Variants in LRRC4C observed in about 807,000 individuals in gnomAD.
The protein encoded by LRRC4C is leucine-rich repeat-containing protein 4C.
LRRC4C carries 5 observed loss-of-function variants against 33.6 expected under a neutral mutation model. That is an observed-to-expected ratio of 0.15 (90% CI 0.08 to 0.31). The LOEUF (loss-of-function observed/expected upper bound fraction) is 0.31. LRRC4C is among the 10% of genes least tolerant of loss of function. The pLI, the probability that LRRC4C is intolerant of heterozygous loss-of-function variation, is 1.00. For missense variants in LRRC4C, 560 were observed against 796.7 expected (o/e 0.70, Z 3.58); for synonymous variants, 329 against 302.0 (o/e 1.09, Z -0.93).
chr11:40,881,677 A>G (rs912223788), intron 2 of LRRC4C, among the ~76,000 whole-genome samples: 2 of 149,922 alleles, frequency 1.3e-5, no homozygotes, highest in Admixed American at 1.3e-4. Flanking sequence ...TTTTTACTGG[A>G]CAGAAATATT....
chr11:40,318,856 T>C (rs1440416618), intron 4 of LRRC4C, among the ~76,000 whole-genome samples: 1 of 152,212 alleles, frequency 6.6e-6, no homozygotes, highest in Non-Finnish European at 1.5e-5. Flanking sequence ...TGCTCTGTGA[T>C]AGCACACACA....
At chr11:40,320,092 CT>C (rs1354882097) in intron 3 of LRRC4C, among the ~76,000 whole-genome samples, 3 of 152,016 alleles carry the variant, frequency 2.0e-5, no homozygotes, top group Non-Finnish European at 4.4e-5. Flanking sequence ...CTGTAAATAG[CT>C]TATTGTACAT....
chr11:40,657,274 T>C (rs1943170796), intron 2 of LRRC4C, among the ~76,000 whole-genome samples: 4 of 152,184 alleles, frequency 2.6e-5, no homozygotes. Flanking sequence ...CTTATTACTT[T>C]AAAAATGTTG....
At chr11:41,363,410 G>A (rs531044431) in intron 1 of LRRC4C, among the ~76,000 whole-genome samples, 1 of 152,282 alleles carries the variant, frequency 6.6e-6, no homozygotes, top group African/African-American at 2.4e-5. Context: ...GGAATCTGGT[G>A]CCAAATGTTT....
chr11:40,207,150 C>T (rs1174098373), intron 5 of LRRC4C, among the ~76,000 whole-genome samples: 1 of 152,172 alleles, frequency 6.6e-6, no homozygotes, highest in East Asian at 1.9e-4. Context: ...ACGGAACTGT[C>T]ATTGTAGCTG....
At chr11:41,303,233 G>A (rs1032407899) in intron 1 of LRRC4C, among the ~76,000 whole-genome samples, 3 of 149,468 alleles carry the variant, frequency 2.0e-5, no homozygotes, top group Admixed American at 1.3e-4. Flanking sequence ...GAATGCCTGC[G>A]ATTGCAGGCA....
chr11:40,326,459 G>A (rs1946108777), intron 3 of LRRC4C, among the ~76,000 whole-genome samples: 1 of 151,894 alleles, frequency 6.6e-6, no homozygotes, highest in African/African-American at 2.4e-5. Context: ...CTACTCAGGA[G>A]GCTGAGGCAG....
intron 4 of LRRC4C, among the ~76,000 whole-genome samples, chr11:40,261,785 T>C (rs1590850837): frequency 6.6e-6 from 1 of 152,122 alleles, no homozygotes; most frequent in East Asian, 1.9e-4. Flanking sequence ...TGGCTAGCCA[T>C]ATGCAGAAAA....
rs569762263 is a variant in LRRC4C, at chr11:40,961,719, G to A, written c.-495-27996C>T. Among the ~76,000 whole-genome samples, 61 of 151,470 alleles carry A rather than the reference G, an allele frequency of 4.0e-4. 1 individual carries two copies. The highest frequency in any genetic ancestry group is 1.0e-3 in the African/African-American group (42 of 41,354). The stretch of plus-strand genomic sequence containing the variant: ...AAGAGTTGTGTAAAGAATGAGTGGG[G>A]GAAATTTCTGTTCTCTCAGGGTTTC... On this transcript the variant is annotated intron_variant, in intron 1 of 6. Transcript: ENST00000528697.
At chr11:41,089,844 A>G (rs1351627764) in intron 1 of LRRC4C, among the ~76,000 whole-genome samples, 1 of 152,072 alleles carries the variant, frequency 6.6e-6, no homozygotes, top group East Asian at 1.9e-4. Context: ...TCTTTAAAGA[A>G]AAATATAGAT....
intron 1 of LRRC4C, among the ~76,000 whole-genome samples, chr11:41,296,279 T>A (rs532849318): frequency 6.6e-6 from 1 of 152,014 alleles, no homozygotes; most frequent in Non-Finnish European, 1.5e-5. Context: ...CTTTTATTAA[T>A]AATATATGTT....
chr11:40,617,050 T>C (rs370420632), intron 3 of LRRC4C, among the ~76,000 whole-genome samples: 1 of 151,780 alleles, frequency 6.6e-6, no homozygotes, highest in Non-Finnish European at 1.5e-5. Flanking sequence ...CCCATTACCA[T>C]GGGCTTCATT....
At position 41,304,643 on chromosome 11, in the gene LRRC4C, A is replaced by G. The variant is rs374040340; in HGVS notation, c.-496+154788T>C. Among the ~76,000 whole-genome samples the G allele has an allele frequency of 9.7e-3, 534 of 55,292 alleles. 13 individuals are homozygous for G. The highest frequency in any genetic ancestry group is 0.038 in the Admixed American group (133 of 3,456). The allele number at this position is 55,292 out of a possible 152,430, so 36.3% of individuals were successfully genotyped here. A position where few individuals can be genotyped will look rare whatever the true frequency, so the allele number is the denominator to read the frequency against. On this transcript the variant is annotated intron_variant, in intron 1 of 6. Transcript: ENST00000528697. ...AGGTGGGGGGGTCAGCCCTCCGCCC[A>G]GCCAGCCGCCCCATCCGGGAGGGAG...
chr11:41,149,287 C>T (rs963194684), intron 1 of LRRC4C, among the ~76,000 whole-genome samples: 2 of 151,962 alleles, frequency 1.3e-5, no homozygotes, highest in East Asian at 1.9e-4. Context: ...GGGCGGATCA[C>T]GAGGTCAGGA....
chr11:41,213,522 A>G (rs1946910131), intron 1 of LRRC4C, among the ~76,000 whole-genome samples: 1 of 152,232 alleles, frequency 6.6e-6, no homozygotes, highest in Non-Finnish European at 1.5e-5. Flanking sequence ...TACTCGTTGA[A>G]TCTTCTCTAC....
chr11:41,025,196 T>C (rs1227218694), intron 1 of LRRC4C, among the ~76,000 whole-genome samples: 1 of 151,602 alleles, frequency 6.6e-6, no homozygotes, highest in East Asian at 1.9e-4. Context: ...GAGATGCACG[T>C]CTCTCACTTT....
intron 1 of LRRC4C, among the ~76,000 whole-genome samples, chr11:40,949,476 G>A (rs921294014): frequency 4.6e-5 from 7 of 152,020 alleles, no homozygotes; most frequent in African/African-American, 1.5e-4. Context: ...GAAAGGTCAG[G>A]TTACCCACAA....
intron 1 of LRRC4C, among the ~76,000 whole-genome samples, chr11:41,031,438 T>C (rs936602193): frequency 1.1e-4 from 17 of 152,004 alleles, no homozygotes; most frequent in African/African-American, 4.1e-4. Flanking sequence ...TTATGTATGT[T>C]ACATCCTTTA....
At chr11:40,567,777 A>T (rs1957825573) in intron 3 of LRRC4C, among the ~76,000 whole-genome samples, 1 of 152,204 alleles carries the variant, frequency 6.6e-6, no homozygotes, top group Non-Finnish European at 1.5e-5. Flanking sequence ...TGACCAGATT[A>T]TTACTCTAGC....
Sources: allele counts gnomAD v4.1 joint callset (sites outside exome capture counted in the v4.1 genomes callset), GRCh38; gene constraint gnomAD v4.1.1; transcripts MANE v1.5; gene names NCBI Gene and HGNC (gene_info 2026-07-23, HGNC 2026-07-21).